The following GTF2E2 variants were observed in gnomAD, a reference collection of about 807,000 sequenced individuals.
The protein encoded by GTF2E2 is general transcription factor IIE subunit 2, also known as transcription initiation factor IIE subunit beta.
Under a neutral mutation model 40.5 loss-of-function variants are expected in GTF2E2, and 21 were observed. The ratio of observed to expected loss-of-function variants is 0.52; its 90% CI spans 0.37 to 0.75. The LOEUF (loss-of-function observed/expected upper bound fraction) is 0.75, where lower values mean the gene tolerates loss of function less well. Ranked by LOEUF, GTF2E2 falls within the 30% of genes least tolerant of loss-of-function variation. The probability of loss-of-function intolerance (pLI) is 0.00; values close to 1 mark genes in which losing one functional copy is unlikely to be tolerated. For synonymous variants in GTF2E2, 117 were observed against 121.6 expected, an observed-to-expected ratio of 0.96 and a Z score of 0.25; for missense variants, 298 against 338.4, an observed-to-expected ratio of 0.88 and a Z score of 0.94.
intron 6 of GTF2E2, among the ~76,000 whole-genome samples, chr8:30,583,135 A>C (rs1001392757): frequency 7.9e-5 from 12 of 152,150 alleles, no homozygotes; most frequent in Non-Finnish European, 1.6e-4. Context: ...GGAGTTCAAG[A>C]CCAGCCTGGC....
At chr8:30,611,967 T>A (rs1205365596) in intron 5 of GTF2E2, among the ~76,000 whole-genome samples, 1 of 152,210 alleles carries the variant, frequency 6.6e-6, no homozygotes, top group Non-Finnish European at 1.5e-5. Flanking sequence ...GTAAGGAACA[T>A]CTACTAGTAT....
chr8:30,605,404 T>C (rs529879109), intron 6 of GTF2E2, among the ~76,000 whole-genome samples: 2 of 152,036 alleles, frequency 1.3e-5, no homozygotes, highest in African/African-American at 4.8e-5. Context: ...TTATTAGCAA[T>C]TGGGAAAAAA....
chr8:30,615,902 C>T lies in GTF2E2; in HGVS notation c.259-1187G>A, dbSNP rs527723646. Reference sequence around the variant, plus strand: ...CTTATTACAGCTTTATCCATAATTGCCAAAAGCTGGAAGCAACCAAGATGT... The same window carrying T: ...CTTATTACAGCTTTATCCATAATTGTCAAAAGCTGGAAGCAACCAAGATGT... On this transcript the variant is annotated intron_variant, in intron 3 of 7. Transcript: ENST00000355904. 1.4e-4 allele frequency among the ~76,000 whole-genome samples: 21 copies of T among 152,158 alleles called. 1 individual carries two copies. The South Asian group carries it at 3.7e-3, about 27-fold the overall frequency.
At chr8:30,646,343 A>C (rs549742935) in intron 2 of GTF2E2, among the ~76,000 whole-genome samples, 10 of 152,186 alleles carry the variant, frequency 6.6e-5, no homozygotes, top group Non-Finnish European at 1.2e-4. Context: ...AGGCAGAAAG[A>C]CTGCCCCTCC....
At chr8:30,599,984 AAAAT>A (rs1009475734) in intron 6 of GTF2E2, among the ~76,000 whole-genome samples, 2 of 152,156 alleles carry the variant, frequency 1.3e-5, no homozygotes, top group African/African-American at 4.8e-5. Flanking sequence ...TCTGTCTCAA[AAAAT>A]AAATAAATAA....
At chr8:30,617,657 C>T (rs543495630) in intron 3 of GTF2E2, among the ~76,000 whole-genome samples, 6 of 151,670 alleles carry the variant, frequency 4.0e-5, no homozygotes, top group East Asian at 3.9e-4. Context: ...CAGGCTGTAA[C>T]GACTGCTTGA....
chr8:30,655,054 A>AGCC (rs1282456164), intron 1 of GTF2E2, among the ~76,000 whole-genome samples: 1 of 152,142 alleles, frequency 6.6e-6, no homozygotes, highest in Non-Finnish European at 1.5e-5. Flanking sequence ...CTACGAAATT[A>AGCC]GCCAGTCATA....
At chr8:30,599,591 A>AC (rs61109737) in intron 6 of GTF2E2, among the ~76,000 whole-genome samples, 53,527 of 150,742 alleles carry the variant, frequency 0.36, 9,954 homozygotes, top group African/African-American at 0.47. Context: ...AAAAAAAAAA[A>AC]AAAAACTTCC....
At chr8:30,634,934 A>G (rs1801541814) in intron 3 of GTF2E2, 98 bp downstream of exon 3, 2 of 643,578 alleles carry the variant, frequency 3.1e-6, no homozygotes, top group Non-Finnish European at 5.5e-6. Context: ...ATTTTGATAA[A>G]TTTTGATGTA....
At chr8:30,653,248 A>C (rs1480972290) in intron 2 of GTF2E2, among the ~76,000 whole-genome samples, 185 bp downstream of exon 2, 1 of 152,202 alleles carries the variant, frequency 6.6e-6, no homozygotes, top group Admixed American at 6.5e-5. Flanking sequence ...TAATAACCTA[A>C]ATTTTAACTA....
rs1372902294 is a variant in GTF2E2, at chr8:30,620,259, A to AC, written c.259-5545_259-5544insG. Among the ~76,000 whole-genome samples the AC allele has an allele frequency of 1.1e-4, 6 of 52,972 alleles. No individual in the cohort carries two copies. In the East Asian group the frequency reaches 2.8e-3, roughly 25 times the overall value. 34.8% of individuals were successfully genotyped at this position (52,972 alleles called of 152,430 possible). The stretch of plus-strand genomic sequence containing the variant: ...ACACAAACACACACACACACACACA[A>AC]ACACACACACACACGTATACATACA... On this transcript the variant is annotated intron_variant, in intron 3 of 7. Transcript: ENST00000355904.
intron 1 of GTF2E2, among the ~76,000 whole-genome samples, chr8:30,654,483 GC>G (rs1157329382): frequency 6.6e-6 from 1 of 151,760 alleles, no homozygotes; most frequent in Non-Finnish European, 1.5e-5. Flanking sequence ...GCTCAATGTA[GC>G]CTTGAACTCC....
rs1405291985 is a variant in GTF2E2 at position 30,653,657 on chromosome 8, C to G, written c.-4-55G>C. 11 of 1,253,204 alleles carry G rather than the reference C, an allele frequency of 8.8e-6. No homozygotes were observed. The East Asian group carries it at 2.6e-4, about 29-fold the overall frequency. The allele number at this position is 1,253,204 out of a possible 1,614,324, so 77.6% of individuals were successfully genotyped here. On this transcript the variant is annotated intron_variant, in intron 1 of 7. Coordinates refer to ENST00000355904, the MANE Select transcript of GTF2E2 (RefSeq NM_002095.6). Reference sequence around the variant, plus strand: ...CAAATTCAAGTCACTCAAACCTGCACTCCAAATCCACAGATCTCAACAAGT... The same window carrying G: ...CAAATTCAAGTCACTCAAACCTGCAGTCCAAATCCACAGATCTCAACAAGT...
At chr8:30,627,041 T>C (rs73576126) in intron 3 of GTF2E2, among the ~76,000 whole-genome samples, 1 of 152,138 alleles carries the variant, frequency 6.6e-6, no homozygotes, top group African/African-American at 2.4e-5. Flanking sequence ...GTGGATAGAA[T>C]CACACCACTG....
chr8:30,599,460 T>C (rs887377672), intron 6 of GTF2E2, among the ~76,000 whole-genome samples: 12 of 151,498 alleles, frequency 7.9e-5, no homozygotes, highest in Non-Finnish European at 1.2e-4. Flanking sequence ...GTACTTCTAA[T>C]CCCAGCTACT....
chr8:30,592,737 A>G (rs1828886852), intron 6 of GTF2E2, among the ~76,000 whole-genome samples: 1 of 152,236 alleles, frequency 6.6e-6, no homozygotes, highest in South Asian at 2.1e-4. Flanking sequence ...TTTAATAAAG[A>G]CAAAATTTTT....
chr8:30,587,470 CA>C (rs60625075), intron 6 of GTF2E2, among the ~76,000 whole-genome samples: 107,194 of 147,212 alleles, frequency 0.73, 39,320 homozygotes, highest in African/African-American at 0.83. Context: ...AAAATAATAG[CA>C]AAAAAAAAAA....
chr8:30,607,016 T>G (rs760831302), intron 6 of GTF2E2, 41 bp downstream of exon 6: 2 of 724,578 alleles, frequency 2.8e-6, no homozygotes, highest in Non-Finnish European at 2.4e-6. Context: ...CCTAAAATTG[T>G]AATATACTTG....
intron 5 of GTF2E2, among the ~76,000 whole-genome samples, chr8:30,610,248 C>T (rs1270536112): frequency 1.3e-5 from 2 of 151,972 alleles, no homozygotes; most frequent in African/African-American, 4.8e-5. Context: ...GAGTTCGAGA[C>T]CAGACTGGCC....
Sources: gnomAD v4.1 joint callset for allele counts (sites outside exome capture counted in the v4.1 genomes callset) on GRCh38, gnomAD v4.1.1 for gene constraint, MANE v1.5 for transcripts, NCBI Gene and HGNC (gene_info 2026-07-23, HGNC 2026-07-21) for gene names.